The following WASHC4 variants were observed in gnomAD, a reference collection of about 807,000 sequenced individuals.
The protein encoded by WASHC4 is WASH complex subunit 4, also known as WASH complex subunit 7.
A neutral mutation model predicts 166.6 loss-of-function variants in WASHC4; 86 were observed. The ratio of observed to expected loss-of-function variants is 0.52; its 90% CI spans 0.43 to 0.62. The LOEUF (loss-of-function observed/expected upper bound fraction) is 0.62, where lower values mean the gene tolerates loss of function less well. Ranked by LOEUF, WASHC4 falls within the 20% of genes least tolerant of loss-of-function variation. WASHC4 has a pLI of 0.00. For synonymous variants in WASHC4, 446 were observed against 451.6 expected (o/e 0.99, Z 0.16); for missense variants, 1,262 against 1,382.4 (o/e 0.91, Z 1.38).
intron 28 of WASHC4, among the ~76,000 whole-genome samples, chr12:105,158,950 TA>T (rs1884330307): frequency 6.6e-6 from 1 of 152,020 alleles, no homozygotes; most frequent in Non-Finnish European, 1.5e-5. Context: ...TCTTAAAAAA[TA>T]AAAAAGTATA....
At chr12:105,147,929 CG>C (rs1883445848) in intron 24 of WASHC4, 1 of 977,486 alleles carries the variant, frequency 1.0e-6, no homozygotes, top group Admixed American at 6.3e-5. Flanking sequence ...CAAACAAAAA[CG>C]AAATGGGCAT....
At chr12:105,120,448 G>A in intron 7 of WASHC4, 107 bp from the exon 8 acceptor site, 1 of 706,500 alleles carries the variant, frequency 1.4e-6, no homozygotes, top group South Asian at 1.6e-5. Flanking sequence ...CCTTAATAAA[G>A]ATAAATATTA....
At chr12:105,133,741 T>A in intron 13 of WASHC4, 29 bp from the exon 14 acceptor site, 1 of 1,603,610 alleles carries the variant, frequency 6.2e-7, no homozygotes, top group South Asian at 1.1e-5. Context: ...TTTTCTTTGC[T>A]GAGTAACCCC....
At chr12:105,160,232 G>A in intron 29 of WASHC4, 84 bp downstream of exon 29, 1 of 1,078,650 alleles carries the variant, frequency 9.3e-7, no homozygotes, top group East Asian at 2.4e-5. Context: ...AACACGAAAT[G>A]CATACAGACT....
rs1208129333 is a variant in WASHC4, at chr12:105,132,872, A to G, written c.1200-898A>G. On this transcript the variant is annotated intron_variant, in intron 13 of 32. Coordinates refer to ENST00000332180, the MANE Select transcript of WASHC4 (RefSeq NM_015275.3). ...GTACCTGTCATGTAGTAAGCATTCA[A>G]TAACTATTAGCTTTTATAGTCCGAT... Among the ~76,000 whole-genome samples the G allele has an allele frequency of 5.3e-5, 8 of 151,708 alleles. 1 individual carries two copies. The highest frequency in any genetic ancestry group is 1.9e-4 in the East Asian group (1 of 5,172).
At chr12:105,154,648 G>A (rs555950452) in intron 26 of WASHC4, among the ~76,000 whole-genome samples, 36 of 152,136 alleles carry the variant, frequency 2.4e-4, no homozygotes, top group Admixed American at 3.9e-4. Context: ...AGTAAACAAA[G>A]TCTCTGTCCT....
At chr12:105,137,031 A>G (rs1052063143) in intron 14 of WASHC4, among the ~76,000 whole-genome samples, 6 of 152,176 alleles carry the variant, frequency 3.9e-5, no homozygotes, top group Admixed American at 3.9e-4. Flanking sequence ...TGTATCTACA[A>G]TAACATAGTT....
intron 26 of WASHC4, among the ~76,000 whole-genome samples, chr12:105,155,475 G>A (rs1165076621): frequency 0.069 from 4 of 58 alleles, no homozygotes; most frequent in African/African-American, 0.22. Flanking sequence ...AACAGTAGCA[G>A]AGGGGTGCAA....
At chr12:105,114,089 T>C (rs1355658710) in intron 2 of WASHC4, 127 bp from the exon 3 acceptor site, 14 of 750,210 alleles carry the variant, frequency 1.9e-5, no homozygotes, top group South Asian at 3.3e-5. Context: ...GTAGTTGATA[T>C]GGTGCTAATG....
intron 10 of WASHC4, 88 bp from the exon 11 acceptor site, chr12:105,125,916 T>A: frequency 4.7e-6 from 6 of 1,268,416 alleles, no homozygotes; most frequent in South Asian, 1.3e-5. Context: ...TAGAAATTTA[T>A]CATACACTGT....
In WASHC4 at chr12:105,160,014, G is replaced by C; in HGVS notation, c.2926G>C (p.Val976Leu). Reference sequence around the variant, plus strand: ...TTTGCTTTTTAGGCATTTGGATTCAGTCCTCAGTGATCACACACGAAATTC... The same window carrying C: ...TTTGCTTTTTAGGCATTTGGATTCACTCCTCAGTGATCACACACGAAATTC... ...TLKAARHLDS[V>L]LSDHTRNSAE... The change falls in exon 29 of 33, where the codon GTC (valine) becomes CTC (leucine). Residue 976 changes from valine (V) to leucine (L), a missense_variant. Transcript: ENST00000332180. 2 of 1,613,982 alleles carry C rather than the reference G, an allele frequency of 1.2e-6. No individual in the cohort carries two copies. Among genetic ancestry groups the C allele is most frequent in the Non-Finnish European group, 1.7e-6 (2 of 1,179,948 alleles).
At chr12:105,164,779 T>A (rs1278578177) in intron 32 of WASHC4, 39 bp downstream of exon 32, 1 of 1,379,016 alleles carries the variant, frequency 7.3e-7, no homozygotes, top group Non-Finnish European at 1.0e-6. Flanking sequence ...CCAATAAATG[T>A]CTTTAGTAAT....
At chr12:105,111,635 C>T (rs78769530) in intron 2 of WASHC4, among the ~76,000 whole-genome samples, 1 of 152,274 alleles carries the variant, frequency 6.6e-6, no homozygotes, top group Non-Finnish European at 1.5e-5. Context: ...TTTTGCCAAA[C>T]ACTTGTAACT....
At chr12:105,144,485 A>G (rs1357020396) in intron 21 of WASHC4, 30 bp downstream of exon 21, 1 of 1,551,756 alleles carries the variant, frequency 6.4e-7, no homozygotes, top group African/African-American at 1.4e-5. Flanking sequence ...TCTTAGAGTC[A>G]TATTCTCTTT....
At chr12:105,146,636 A>C (rs1346999001) in intron 23 of WASHC4, 110 bp downstream of exon 23, 1 of 695,920 alleles carries the variant, frequency 1.4e-6, no homozygotes, top group East Asian at 2.7e-5. Flanking sequence ...ACAAAAAATA[A>C]TTGTTTTCGA....
Position 105,111,173 on chromosome 12 carries a change from A to C in WASHC4, c.110A>C (p.Glu37Ala). Residue 37 changes from glutamate to alanine, a missense_variant, in exon 2 of 33, where the codon GAG (glutamate) becomes GCG (alanine). By Grantham distance (107) the Glu-to-Ala change is moderately radical. Coordinates refer to ENST00000332180, the MANE Select transcript of WASHC4 (RefSeq NM_015275.3). Reference sequence around the variant, plus strand: ...AAGAATTATGGGAAATTTCTTGAGGAGTATACCTCTCAACTGAGAAGAATT... The same window carrying C: ...AAGAATTATGGGAAATTTCTTGAGGCGTATACCTCTCAACTGAGAAGAATT... ...QLKNYGKFLE[E>A]YTSQLRRIED... 6.2e-7 allele frequency: 1 copy of C among 1,605,394 alleles called. No homozygotes were observed.
chr12:105,147,554 A>AT (rs761575022), intron 24 of WASHC4: 27 of 992,158 alleles, frequency 2.7e-5, no homozygotes, highest in Non-Finnish European at 3.0e-5. Context: ...GGGTTTGCTA[A>AT]TTATTTGATG....
At chr12:105,121,394 G>A (rs941286765) in intron 9 of WASHC4, among the ~76,000 whole-genome samples, 190 bp downstream of exon 9, 2 of 152,172 alleles carry the variant, frequency 1.3e-5, no homozygotes, top group African/African-American at 2.4e-5. Flanking sequence ...TTGTTGGGAC[G>A]AGTATAATAC....
At position 105,137,989 on chromosome 12, in the gene WASHC4, G is replaced by A; in HGVS notation, c.1430G>A (p.Cys477Tyr). ...ACCAAAACCTCAGTTAAGGCATTGT[G>A]CAGGCTTGTTGAACTTCTCAAGGTA... ...PMTKTSVKAL[C>Y]RLVELLKAIE... is the part of the protein sequence containing the mutation. The change falls in exon 15 of 33, where the codon TGC becomes TAC. Residue 477 changes from cysteine to tyrosine, a missense_variant. By Grantham distance (194) the Cys-to-Tyr change is radical (BLOSUM62 -2). Coordinates refer to ENST00000332180, the MANE Select transcript of WASHC4 (RefSeq NM_015275.3). The A allele has an allele frequency of 1.2e-6, 2 of 1,612,926 alleles. No individual in the cohort carries two copies. The highest frequency in any genetic ancestry group is 1.7e-6 in the Non-Finnish European group (2 of 1,179,222).
Sources: allele counts gnomAD v4.1 joint callset (sites outside exome capture counted in the v4.1 genomes callset), GRCh38; gene constraint gnomAD v4.1.1; transcripts MANE v1.5; gene names NCBI Gene and HGNC (gene_info 2026-07-23, HGNC 2026-07-21).